The following WDR64 variants were observed in gnomAD, a reference collection of about 807,000 sequenced individuals.
WDR64 encodes WD repeat domain 64, also known as WD repeat-containing protein 64.
Under a neutral mutation model 139.3 loss-of-function variants are expected in WDR64, and 112 were observed. That is an observed-to-expected ratio of 0.80 (90% confidence interval 0.69 to 0.94). The LOEUF is 0.94. Ranked by LOEUF, WDR64 falls within the 40% of genes least tolerant of loss-of-function variation. WDR64 has a pLI of 0.00. For missense variants in WDR64, 1,206 were observed against 1,293.1 expected (o/e 0.93, Z 1.03); for synonymous variants, 444 against 437.7 (o/e 1.01, Z -0.18).
intron 1 of WDR64, 41 bp downstream of exon 1, chr1:241,652,670 G>A (rs766154573): frequency 1.6e-5 from 24 of 1,542,784 alleles, no homozygotes; most frequent in Middle Eastern, 1.7e-4. Context: ...TGGGTCTGTT[G>A]GTTAGAACTG....
chr1:241,708,509 T>G lies in WDR64; in HGVS notation c.975-3293T>G, dbSNP rs1001002246. On this transcript the variant is annotated intron_variant, in intron 8 of 27. Coordinates refer to ENST00000437684, the MANE Select transcript of WDR64 (RefSeq NM_001367482.1). ...TTGTGTTTTTACTAGAGACAGGGTT[T>G]CACCATGTTGGCCAGGCTGGTCTCG... Among the ~76,000 whole-genome samples, 7 of 152,186 alleles carry G rather than the reference T, an allele frequency of 4.6e-5. No homozygotes were observed. In the East Asian group the frequency reaches 1.4e-3, roughly 29 times the overall value.
chr1:241,662,080 G>A (rs542089429), intron 2 of WDR64, among the ~76,000 whole-genome samples: 67 of 152,142 alleles, frequency 4.4e-4, no homozygotes, highest in Non-Finnish European at 7.5e-4. Flanking sequence ...AGCCATCCTT[G>A]CTTTAAAAAG....
At chr1:241,713,988 C>A (rs1668302777) in intron 9 of WDR64, among the ~76,000 whole-genome samples, 3 of 152,124 alleles carry the variant, frequency 2.0e-5, no homozygotes, top group Admixed American at 2.0e-4. Context: ...GGAAGAAGAA[C>A]AAAAGAAAGC....
chr1:241,685,802 G>A (rs956983793), intron 7 of WDR64, among the ~76,000 whole-genome samples: 2 of 152,142 alleles, frequency 1.3e-5, no homozygotes, highest in African/African-American at 2.4e-5. Context: ...AATTAGACCT[G>A]ATGGAGGACT....
intron 17 of WDR64, among the ~76,000 whole-genome samples, chr1:241,769,741 T>G (rs1053250483): frequency 1.3e-5 from 2 of 152,190 alleles, no homozygotes; most frequent in Non-Finnish European, 2.9e-5. Flanking sequence ...GGATTTAAAG[T>G]GCTGTGTGGT....
In WDR64 at chr1:241,772,876, C is replaced by T; in HGVS notation, c.2375C>T (p.Pro792Leu). Residue 792 changes from proline (P) to leucine (L), a missense_variant, in exon 20 of 28, where the codon CCA becomes CTA. By Grantham distance (98) the Pro-to-Leu change is moderately conservative (BLOSUM62 -3). Transcript: ENST00000437684. The part of the protein sequence containing the change: ...PGIANLPEAQ[P>L]PILVTAHEDG... ...ATTGCCAATTTACCAGAAGCCCAGC[C>T]ACCTATCCTTGTCACTGCTCATGAG... 6.4e-7 allele frequency: 1 copy of T among 1,551,992 alleles called. No individual in the cohort carries two copies. The highest frequency in any genetic ancestry group is 8.7e-7 in the Non-Finnish European group (1 of 1,147,048).
chr1:241,696,113 C>CA (rs541301982), intron 8 of WDR64, among the ~76,000 whole-genome samples: 308 of 22,316 alleles, frequency 0.014, 89 homozygotes, highest in Non-Finnish European at 0.017. Context: ...GACCCAGTAT[C>CA]AAAAAAAAAA....
chr1:241,755,045 C>G (rs1185765657), intron 14 of WDR64, among the ~76,000 whole-genome samples: 1 of 152,132 alleles, frequency 6.6e-6, no homozygotes, highest in African/African-American at 2.4e-5. Flanking sequence ...GTGCATGTGT[C>G]TTTATGGTAG....
At chr1:241,801,043 T>C in intron 27 of WDR64, 89 bp from the exon 28 acceptor site, 1 of 963,362 alleles carries the variant, frequency 1.0e-6, no homozygotes, top group Non-Finnish European at 1.6e-6. Context: ...TTAAAATCTC[T>C]ATGTAAATTA....
Position 241,773,169 on chromosome 1 carries a change from GTC to G in WDR64, c.2430+244_2430+245del, listed in dbSNP as rs10530068. ...CTGCTAACTTAGCTATTTCAAATAT[GTC>G]TCTCTTTTTGGAAGCTCTTCTACTT... On this transcript the variant is annotated intron_variant, in intron 20 of 27. Transcript: ENST00000437684. 6.7e-3 allele frequency among the ~76,000 whole-genome samples: 1,017 copies of G among 152,270 alleles called. 12 individuals are homozygous for G. Among genetic ancestry groups the G allele is most frequent in the African/African-American group, 0.023 (972 of 41,550 alleles).
intron 1 of WDR64, among the ~76,000 whole-genome samples, chr1:241,652,980 G>C (rs1418236861): frequency 6.6e-6 from 1 of 152,168 alleles, no homozygotes; most frequent in Non-Finnish European, 1.5e-5. Context: ...GTATAGCACT[G>C]CTTTTTCTTA....
intron 27 of WDR64, among the ~76,000 whole-genome samples, chr1:241,797,644 CT>C (rs1361362798): frequency 6.6e-6 from 1 of 152,098 alleles, no homozygotes; most frequent in Non-Finnish European, 1.5e-5. Flanking sequence ...TGAATAATTT[CT>C]GTTCATCATC....
chr1:241,706,069 G>T (rs758954035), intron 8 of WDR64, among the ~76,000 whole-genome samples: 1 of 152,034 alleles, frequency 6.6e-6, no homozygotes, highest in Non-Finnish European at 1.5e-5. Flanking sequence ...ATGTTTTCAT[G>T]GGCCCTAAAA....
intron 9 of WDR64, among the ~76,000 whole-genome samples, chr1:241,714,341 A>G (rs1668318075): frequency 6.6e-6 from 1 of 152,216 alleles, no homozygotes; most frequent in Non-Finnish European, 1.5e-5. Context: ...ATCAATAAAT[A>G]CATCATTGGC....
At chr1:241,711,263 A>T (rs563603185) in intron 8 of WDR64, among the ~76,000 whole-genome samples, 1 of 151,520 alleles carries the variant, frequency 6.6e-6, no homozygotes, top group East Asian at 1.9e-4. Context: ...TAGTAGAAGC[A>T]GAGAAATTAC....
At chr1:241,713,381 G>A (rs1477820772) in intron 9 of WDR64, among the ~76,000 whole-genome samples, 1 of 126,666 alleles carries the variant, frequency 7.9e-6, no homozygotes, top group African/African-American at 3.0e-5. Context: ...GGAAGGGAAG[G>A]AAAGGAAGGA....
At chr1:241,771,915 C>T (rs1252220728) in intron 19 of WDR64, among the ~76,000 whole-genome samples, 1 of 109,436 alleles carries the variant, frequency 9.1e-6, no homozygotes, top group Non-Finnish European at 1.9e-5. Flanking sequence ...CACACATATA[C>T]ATATATACAT....
chr1:241,745,637 G>A (rs1669729559), intron 13 of WDR64, among the ~76,000 whole-genome samples: 1 of 144,414 alleles, frequency 6.9e-6, no homozygotes, highest in Non-Finnish European at 1.5e-5. Context: ...TTTATTTGGA[G>A]TCAGAGTCTC....
chr1:241,705,277 C>G (rs927964370), intron 8 of WDR64, among the ~76,000 whole-genome samples: 1 of 151,970 alleles, frequency 6.6e-6, no homozygotes, highest in African/African-American at 2.4e-5. Flanking sequence ...CGGGGTGGCT[C>G]ACGCCTGTAA....
Sources: gnomAD v4.1 joint callset for allele counts (sites outside exome capture counted in the v4.1 genomes callset) on GRCh38, gnomAD v4.1.1 for gene constraint, MANE v1.5 for transcripts, NCBI Gene and HGNC (gene_info 2026-07-23, HGNC 2026-07-21) for gene names.